The following AOPEP variants were observed in gnomAD, a reference collection of about 807,000 sequenced individuals.
The protein encoded by AOPEP is aminopeptidase O (putative).
AOPEP carries 77 observed loss-of-function variants against 98.1 expected under a neutral mutation model. That is an observed-to-expected ratio of 0.78 (90% CI 0.65 to 0.95). AOPEP has a LOEUF of 0.95. AOPEP is among the 40% of genes least tolerant of loss of function. The pLI is 0.00. For synonymous variants in AOPEP, 346 were observed against 365.3 expected (o/e 0.95, Z 0.60); for missense variants, 1,024 against 1,024.7 (o/e 1.00, Z 0.01).
the AOPEP span, among the ~76,000 whole-genome samples, chr9:95,139,029 C>T: frequency 2.0e-5 from 3 of 152,124 alleles, no homozygotes. Flanking sequence ...TTGTAATCAC[C>T]CCTGAATGAA....
At chr9:94,993,340 G>A (rs2061011209) in intron 11 of AOPEP, among the ~76,000 whole-genome samples, 1 of 152,140 alleles carries the variant, frequency 6.6e-6, no homozygotes, top group Admixed American at 6.5e-5. Context: ...TTTTGGAGGA[G>A]GGGAAGCCAT....
intron 5 of AOPEP, among the ~76,000 whole-genome samples, chr9:94,893,291 C>T (rs1360189025): frequency 3.9e-5 from 6 of 151,926 alleles, no homozygotes; most frequent in African/African-American, 1.2e-4. Flanking sequence ...ATAGTTTTAC[C>T]GGGAAGATAA....
At chr9:95,134,255 C>T in the AOPEP span, among the ~76,000 whole-genome samples, 1 of 152,146 alleles carries the variant, frequency 6.6e-6, no homozygotes, top group Admixed American at 6.5e-5. Context: ...CAGTCTCCAA[C>T]TAGAAAGAGA....
At chr9:95,026,701 C>T (rs2063867212) in intron 13 of AOPEP, among the ~76,000 whole-genome samples, 1 of 152,126 alleles carries the variant, frequency 6.6e-6, no homozygotes, top group Non-Finnish European at 1.5e-5. Flanking sequence ...CGATAGATGA[C>T]CTAGGAGTCA....
At chr9:94,883,843 A>G (rs1055063920) in intron 5 of AOPEP, among the ~76,000 whole-genome samples, 18 of 152,188 alleles carry the variant, frequency 1.2e-4, no homozygotes, top group Admixed American at 3.9e-4. Flanking sequence ...GAGAAATTGT[A>G]TCTGACATAC....
chr9:94,912,221 G>T (rs1256630141), intron 5 of AOPEP, among the ~76,000 whole-genome samples: 1 of 152,174 alleles, frequency 6.6e-6, no homozygotes, highest in Non-Finnish European at 1.5e-5. Flanking sequence ...CAAAGACCGA[G>T]TTCTTAAAAA....
chr9:94,785,227 G>A (rs185129425), intron 3 of AOPEP, among the ~76,000 whole-genome samples: 1 of 152,324 alleles, frequency 6.6e-6, no homozygotes, highest in Non-Finnish European at 1.5e-5. Context: ...GAGCCACTGC[G>A]CCCGGCCCAA....
chr9:94,998,294 G>C (rs2061361880), intron 11 of AOPEP, among the ~76,000 whole-genome samples: 1 of 151,692 alleles, frequency 6.6e-6, no homozygotes, highest in Non-Finnish European at 1.5e-5. Flanking sequence ...CAAGCGATAT[G>C]AAATCCCCTG....
chr9:95,038,138 G>C (rs550949804), intron 13 of AOPEP, among the ~76,000 whole-genome samples: 2 of 152,096 alleles, frequency 1.3e-5, no homozygotes, highest in Non-Finnish European at 2.9e-5. Flanking sequence ...AAGTTTTCTG[G>C]GGAGAAAAAA....
At chr9:95,092,314 G>A in the AOPEP span, among the ~76,000 whole-genome samples, 1 of 152,154 alleles carries the variant, frequency 6.6e-6, no homozygotes, top group East Asian at 2.0e-4. Flanking sequence ...TCCCACCCCC[G>A]CCTGGGCCCA....
chr9:94,899,998 A>G (rs2136217149), intron 5 of AOPEP, among the ~76,000 whole-genome samples: 1 of 152,294 alleles, frequency 6.6e-6, no homozygotes, highest in Non-Finnish European at 1.5e-5. Context: ...TGAAATACTG[A>G]ACTATGAGTC....
At chr9:95,077,297 A>G (rs2069174780) in intron 14 of AOPEP, among the ~76,000 whole-genome samples, 1 of 152,216 alleles carries the variant, frequency 6.6e-6, no homozygotes, top group East Asian at 1.9e-4. Context: ...GGGTGGGAGC[A>G]GAAAGGCAGC....
At chr9:94,997,303 C>T (rs2132495595) in intron 11 of AOPEP, among the ~76,000 whole-genome samples, 1 of 152,320 alleles carries the variant, frequency 6.6e-6, no homozygotes, top group Middle Eastern at 3.4e-3. Context: ...GTTTGGACCA[C>T]CAGCCCATCC....
At chr9:95,126,489 T>C in the AOPEP span, 129 of 1,591,026 alleles carry the variant, frequency 8.1e-5, no homozygotes, top group Non-Finnish European at 1.0e-4. Flanking sequence ...AATGGAACCT[T>C]TTTTACATCA....
chr9:94,835,787 G>A (rs1423111908), intron 5 of AOPEP, among the ~76,000 whole-genome samples: 2 of 152,208 alleles, frequency 1.3e-5, no homozygotes, highest in Non-Finnish European at 2.9e-5. Context: ...GTGCAGTAGG[G>A]CCAAGGTATT....
chr9:94,755,194 A>G (rs1836734647), intron 1 of AOPEP, among the ~76,000 whole-genome samples: 1 of 152,196 alleles, frequency 6.6e-6, no homozygotes, highest in Non-Finnish European at 1.5e-5. Flanking sequence ...GGCTTATGAC[A>G]GAGAATGGAA....
chr9:95,015,401 A>G (rs1392412507), intron 13 of AOPEP, among the ~76,000 whole-genome samples: 8 of 152,242 alleles, frequency 5.3e-5, no homozygotes, highest in Non-Finnish European at 1.0e-4. Flanking sequence ...CAGAAATGTA[A>G]TACTGTTGAT....
chr9:95,033,570 A>T (rs747692030), intron 13 of AOPEP, among the ~76,000 whole-genome samples: 1 of 152,244 alleles, frequency 6.6e-6, no homozygotes, highest in African/African-American at 2.4e-5. Flanking sequence ...AAGAAGCTAC[A>T]GTTCCCTAAC....
chr9:95,130,723 T>A, the AOPEP span, among the ~76,000 whole-genome samples: 3 of 152,218 alleles, frequency 2.0e-5, no homozygotes, highest in Admixed American at 2.0e-4. Context: ...CTCTCCACAG[T>A]GGGAAGCCCT....
Sources: gnomAD v4.1 joint callset for allele counts (sites outside exome capture counted in the v4.1 genomes callset) on GRCh38, gnomAD v4.1.1 for gene constraint, MANE v1.5 for transcripts, NCBI Gene and HGNC (gene_info 2026-07-23, HGNC 2026-07-21) for gene names.